Variants in CD48 observed in about 807,000 individuals in gnomAD.
CD48 encodes the protein CD48 molecule, also known as CD48 antigen.
CD48 carries 20 observed loss-of-function variants against 22.0 expected under a neutral mutation model. That is an observed-to-expected ratio of 0.91 (90% confidence interval 0.64 to 1.32). The LOEUF (loss-of-function observed/expected upper bound fraction) is 1.32. CD48 is among the 40% of genes most tolerant of loss of function. The probability of loss-of-function intolerance (pLI) is 0.00; values close to 1 mark genes in which losing one functional copy is unlikely to be tolerated. For missense variants in CD48, 307 were observed against 286.5 expected (o/e 1.07, Z -0.52); for synonymous variants, 110 against 110.1 (o/e 1.00, Z 0.01).
chr1:160,693,405 C>CCCGTGTAAA (rs1368968019), intron 1 of CD48, among the ~76,000 whole-genome samples: 24 of 152,300 alleles, frequency 1.6e-4, no homozygotes, highest in African/African-American at 4.8e-4. Flanking sequence ...GATGTAATCT[C>CCCGTGTAAA]AGAGTATGTA....
At chr1:160,682,352 T>G (rs558870520) in intron 2 of CD48, among the ~76,000 whole-genome samples, 1 of 149,912 alleles carries the variant, frequency 6.7e-6, no homozygotes, top group African/African-American at 2.5e-5. Context: ...TAGTCCCTGC[T>G]ACTCAGGAGG....
chr1:160,692,037 T>C (rs1432098709), intron 1 of CD48: 2 of 177,138 alleles, frequency 1.1e-5, no homozygotes, highest in Non-Finnish European at 2.4e-5. Flanking sequence ...GCCCATGGTT[T>C]CCAGAACAAG....
intron 1 of CD48, chr1:160,699,740 T>G (rs565034386): frequency 6.6e-6 from 1 of 151,964 alleles, no homozygotes. Flanking sequence ...TTGTCTATGA[T>G]GCAAAGACCT....
At chr1:160,705,622 C>T (rs1282064807) in intron 1 of CD48, among the ~76,000 whole-genome samples, 1 of 152,184 alleles carries the variant, frequency 6.6e-6, no homozygotes, top group Non-Finnish European at 1.5e-5. Flanking sequence ...AGCATACAGC[C>T]TAGGAGGACA....
At chr1:160,710,671 C>T (rs1194905730) in intron 1 of CD48, among the ~76,000 whole-genome samples, 1 of 152,156 alleles carries the variant, frequency 6.6e-6, no homozygotes, top group Non-Finnish European at 1.5e-5. Context: ...TACCAATGTC[C>T]TATGCATTGA....
chr1:160,684,480 A>G (rs1661916490), intron 2 of CD48: 1 of 372,450 alleles, frequency 2.7e-6, no homozygotes, highest in Non-Finnish European at 4.8e-6. Context: ...AAAGTTGAAA[A>G]ATTCTCCTGA....
intron 1 of CD48, among the ~76,000 whole-genome samples, chr1:160,694,083 A>G (rs1662321811): frequency 6.6e-6 from 1 of 152,252 alleles, no homozygotes; most frequent in Non-Finnish European, 1.5e-5. Context: ...CTAAATCTAA[A>G]AGGAGTTCAA....
At chr1:160,697,782 T>C (rs985704998) in intron 1 of CD48, among the ~76,000 whole-genome samples, 1 of 152,036 alleles carries the variant, frequency 6.6e-6, no homozygotes, top group Non-Finnish European at 1.5e-5. Flanking sequence ...GAAACTATTA[T>C]AGATTGGGCA....
intron 1 of CD48, among the ~76,000 whole-genome samples, chr1:160,702,232 G>A (rs1024962717): frequency 6.6e-6 from 1 of 152,092 alleles, no homozygotes; most frequent in Non-Finnish European, 1.5e-5. Flanking sequence ...ACAATCAAAG[G>A]CAAAGAATCA....
At position 160,680,975 on chromosome 1, in the gene CD48, A is replaced by G. The variant is rs916237586; in HGVS notation, c.652+227T>C. Reference sequence around the variant, plus strand: ...AGAGGAGTATCAGAGATCTCTCCCAAACGTCCTTTGCAGGTGAGAACACTG... The same window carrying G: ...AGAGGAGTATCAGAGATCTCTCCCAGACGTCCTTTGCAGGTGAGAACACTG... On this transcript the variant is annotated intron_variant, in intron 3 of 3. Coordinates refer to ENST00000368046, the MANE Select transcript of CD48 (RefSeq NM_001778.4). The G allele has an allele frequency of 4.2e-6, 6 of 1,432,362 alleles. No individual in the cohort carries two copies. The South Asian group carries it at 4.4e-5, about 11-fold the overall frequency. The allele number at this position is 1,432,362 out of a possible 1,614,324, so 88.7% of individuals were successfully genotyped here. A position where few individuals can be genotyped will look rare whatever the true frequency, so the allele number is the denominator to read the frequency against.
intron 1 of CD48, chr1:160,691,556 G>A (rs12569009): frequency 0.3 from 49,334 of 165,452 alleles, 8,141 homozygotes; most frequent in Non-Finnish European, 0.38. Context: ...TCTCCCTCTC[G>A]GAGAAACACC....
intron 2 of CD48, 98 bp downstream of exon 2, chr1:160,684,789 C>G (rs759363215): frequency 1.2e-6 from 2 of 1,612,932 alleles, no homozygotes; most frequent in Non-Finnish European, 1.7e-6. Context: ...TTTTTCTCTC[C>G]TCCTCCCCGA....
intron 1 of CD48, among the ~76,000 whole-genome samples, chr1:160,710,398 G>A (rs941286783): frequency 6.6e-6 from 1 of 152,106 alleles, no homozygotes; most frequent in Non-Finnish European, 1.5e-5. Context: ...GTTATAGCCC[G>A]GGTGTTATAA....
intron 1 of CD48, chr1:160,699,664 G>T (rs910078237): frequency 6.6e-6 from 1 of 152,180 alleles, no homozygotes; most frequent in African/African-American, 2.4e-5. Context: ...CAGCAATACT[G>T]CTTTGTAAAG....
intron 1 of CD48, 42 bp downstream of exon 1, chr1:160,711,640 C>T: frequency 2.1e-6 from 3 of 1,434,568 alleles, no homozygotes; most frequent in Non-Finnish European, 2.0e-6. Context: ...ACTGACCATG[C>T]CTTCAGTGCA....
chr1:160,693,070 A>G (rs1442283794), intron 1 of CD48, among the ~76,000 whole-genome samples: 3 of 152,284 alleles, frequency 2.0e-5, no homozygotes, highest in Non-Finnish European at 4.4e-5. Flanking sequence ...CAGATCAACT[A>G]TTAGGAACAG....
intron 1 of CD48, among the ~76,000 whole-genome samples, chr1:160,710,961 T>C (rs1271931977): frequency 6.6e-6 from 1 of 152,198 alleles, no homozygotes; most frequent in Admixed American, 6.5e-5. Context: ...TTCACTGCTG[T>C]TTCTCAGCTG....
At chr1:160,687,926 T>A (rs1662061538) in intron 1 of CD48, among the ~76,000 whole-genome samples, 1 of 152,224 alleles carries the variant, frequency 6.6e-6, no homozygotes, top group Non-Finnish European at 1.5e-5. Flanking sequence ...AATGATAAAT[T>A]ATCTTCTCTA....
intron 1 of CD48, among the ~76,000 whole-genome samples, chr1:160,693,464 G>C (rs1194103042): frequency 6.6e-6 from 1 of 152,170 alleles, no homozygotes; most frequent in Non-Finnish European, 1.5e-5. Flanking sequence ...TATGCTTATG[G>C]CCCAAGCAAT....
Sources: allele counts gnomAD v4.1 joint callset (sites outside exome capture counted in the v4.1 genomes callset), GRCh38; gene constraint gnomAD v4.1.1; transcripts MANE v1.5; gene names NCBI Gene and HGNC (gene_info 2026-07-23, HGNC 2026-07-21).